Variants in NDFIP2 observed in about 807,000 individuals in gnomAD.
NDFIP2 encodes NEDD4 family-interacting protein 2.
NDFIP2 carries 19 observed loss-of-function variants against 36.0 expected under a neutral mutation model. The observed-to-expected ratio is 0.53, with a 90% confidence interval of 0.37 to 0.77. The LOEUF (loss-of-function observed/expected upper bound fraction) is 0.77. Ranked by LOEUF, NDFIP2 falls within the 30% of genes least tolerant of loss-of-function variation. The pLI is 0.00. For synonymous variants in NDFIP2, 181 were observed against 167.7 expected (o/e 1.08, Z -0.61); for missense variants, 446 against 435.8 (o/e 1.02, Z -0.21).
At chr13:79,508,834 A>C (rs1451949703) in intron 1 of NDFIP2, among the ~76,000 whole-genome samples, 1 of 152,220 alleles carries the variant, frequency 6.6e-6, no homozygotes, top group Non-Finnish European at 1.5e-5. Flanking sequence ...CTCTGACAGT[A>C]GGAATTACCA....
chr13:79,517,557 A>G (rs2137082045), intron 1 of NDFIP2, among the ~76,000 whole-genome samples: 1 of 152,344 alleles, frequency 6.6e-6, no homozygotes, highest in Admixed American at 6.5e-5. Flanking sequence ...TTTTATTTAA[A>G]GTAAATTGAA....
At chr13:79,523,633 G>T (rs1874676717) in intron 2 of NDFIP2, among the ~76,000 whole-genome samples, 1 of 152,156 alleles carries the variant, frequency 6.6e-6, no homozygotes, top group African/African-American at 2.4e-5. Context: ...TGGCAATACT[G>T]TAATAAAAGT....
intron 1 of NDFIP2, among the ~76,000 whole-genome samples, chr13:79,519,330 A>AT (rs1462441162): frequency 7.9e-5 from 12 of 152,342 alleles, no homozygotes; most frequent in African/African-American, 2.6e-4. Flanking sequence ...TATCTTAAAA[A>AT]TTTTTAATAA....
At chr13:79,549,759 C>G (rs1351443759) in intron 6 of NDFIP2, among the ~76,000 whole-genome samples, 2 of 151,664 alleles carry the variant, frequency 1.3e-5, no homozygotes, top group Non-Finnish European at 3.0e-5. Context: ...TTACATTTTT[C>G]AATAATATTT....
At chr13:79,547,864 G>T (rs1875746162) in intron 5 of NDFIP2, among the ~76,000 whole-genome samples, 1 of 152,118 alleles carries the variant, frequency 6.6e-6, no homozygotes, top group Non-Finnish European at 1.5e-5. Context: ...TGTACAGAAG[G>T]TCAAAAGCTC....
intron 5 of NDFIP2, among the ~76,000 whole-genome samples, chr13:79,547,425 A>G (rs1875730594): frequency 6.6e-6 from 1 of 152,222 alleles, no homozygotes. Context: ...GTGGGTAAAC[A>G]CAAGCTAATT....
chr13:79,516,544 T>A (rs1292720640), intron 1 of NDFIP2, among the ~76,000 whole-genome samples: 1 of 152,170 alleles, frequency 6.6e-6, no homozygotes, highest in East Asian at 1.9e-4. Flanking sequence ...CTAATATTTA[T>A]CTCATTGCAA....
chr13:79,517,063 T>G (rs1874377005), intron 1 of NDFIP2, among the ~76,000 whole-genome samples: 1 of 152,224 alleles, frequency 6.6e-6, no homozygotes, highest in African/African-American at 2.4e-5. Flanking sequence ...CTATAAAGAC[T>G]AGCCACAAAT....
rs1025856740 is a variant in NDFIP2 at position 79,481,211 on chromosome 13, G to A, written c.8G>A (p.Arg3His). The change falls in exon 1 of 8, where the codon CGC (arginine) becomes CAC (histidine). Residue 3 changes from arginine (R) to histidine (H), a missense_variant. By Grantham distance (29) the Arg-to-His change is conservative. Coordinates refer to ENST00000218652, the MANE Select transcript of NDFIP2 (RefSeq NM_019080.3). The part of the protein sequence containing the change: MA[R>H]RRSQRVCASG... ...CTCCCACTGGCGGCGCGGATGGCACGCCGGCGGAGCCAGCGAGTCTGCGCG... is the reference window on the plus strand; with the variant it reads ...CTCCCACTGGCGGCGCGGATGGCACACCGGCGGAGCCAGCGAGTCTGCGCG... The A allele has an allele frequency of 2.7e-6, 4 of 1,506,254 alleles. No individual in the cohort carries two copies. In the African/African-American group the frequency reaches 4.3e-5, roughly 16 times the overall value. The allele number at this position is 1,506,254 out of a possible 1,614,324, so 93.3% of individuals were successfully genotyped here.
chr13:79,502,701 G>T (rs867009342), intron 1 of NDFIP2, among the ~76,000 whole-genome samples: 1 of 152,194 alleles, frequency 6.6e-6, no homozygotes, highest in Non-Finnish European at 1.5e-5. Flanking sequence ...GAAGGTCATT[G>T]TTTTCAGCGA....
intron 1 of NDFIP2, among the ~76,000 whole-genome samples, chr13:79,500,817 A>G (rs568121783): frequency 6.6e-6 from 1 of 152,144 alleles, no homozygotes; most frequent in African/African-American, 2.4e-5. Flanking sequence ...ATGCTTCTTG[A>G]TATTTACCCG....
chr13:79,486,607 C>G (rs888513955), intron 1 of NDFIP2, among the ~76,000 whole-genome samples: 1 of 152,170 alleles, frequency 6.6e-6, no homozygotes, highest in Non-Finnish European at 1.5e-5. Context: ...TTCAGATACT[C>G]ATGTAACCCA....
At chr13:79,530,873 A>C (rs1874989057) in intron 2 of NDFIP2, among the ~76,000 whole-genome samples, 1 of 152,214 alleles carries the variant, frequency 6.6e-6, no homozygotes, top group African/African-American at 2.4e-5. Flanking sequence ...ATCAACTTCC[A>C]ACTCCTGTTA....
chr13:79,550,981 A>G (rs753311652), intron 6 of NDFIP2, 36 bp from the exon 7 acceptor site: 62 of 1,269,280 alleles, frequency 4.9e-5, no homozygotes, highest in Non-Finnish European at 6.6e-5. Context: ...TTCTGTATAA[A>G]AACATAGTAT....
At chr13:79,546,542 A>G (rs1284585268) in intron 5 of NDFIP2, among the ~76,000 whole-genome samples, 1 of 152,184 alleles carries the variant, frequency 6.6e-6, no homozygotes, top group Non-Finnish European at 1.5e-5. Flanking sequence ...TGGTTTACTT[A>G]TATGAAAAAA....
At chr13:79,526,857 G>A (rs1043768335) in intron 2 of NDFIP2, among the ~76,000 whole-genome samples, 14 of 152,136 alleles carry the variant, frequency 9.2e-5, no homozygotes, top group African/African-American at 3.4e-4. Context: ...GCCATCCTGA[G>A]TAAATCACAT....
Position 79,543,700 on chromosome 13 carries a change from CT to C in NDFIP2, c.840+19del. On this transcript the variant is annotated intron_variant, in intron 5 of 7. Coordinates refer to ENST00000218652, the MANE Select transcript of NDFIP2 (RefSeq NM_019080.3). ...TTGTCAGGGTGAGTGTCTTGATAGC[CT>C]GTATCTCTTTTATCTCTAAAATGAG... 1.2e-6 allele frequency: 2 copies of C among 1,609,656 alleles called. No individual in the cohort carries two copies. Among genetic ancestry groups the C allele is most frequent in the Non-Finnish European group, 1.7e-6 (2 of 1,178,694 alleles).
chr13:79,555,837 A>G lies in NDFIP2; in HGVS notation c.*3324A>G, dbSNP rs1486596926. The G allele has an allele frequency of 2.6e-5, 4 of 152,148 alleles. No homozygotes were observed. Among genetic ancestry groups the G allele is most frequent in the Admixed American group, 6.5e-5 (1 of 15,270 alleles). 9.4% of individuals were successfully genotyped at this position (152,148 alleles called of 1,614,324 possible). A position where few individuals can be genotyped will look rare whatever the true frequency, so the allele number is the denominator to read the frequency against. ...ATTTTACTTGTTAATAAAGTTGTAT[A>G]GATGTGGAAGTGTGAACCTGTGATG... On this transcript the variant is annotated 3_prime_UTR_variant, in exon 8 of 8. Coordinates refer to ENST00000218652, the MANE Select transcript of NDFIP2 (RefSeq NM_019080.3).
intron 3 of NDFIP2, among the ~76,000 whole-genome samples, chr13:79,534,274 G>A (rs1328474996): frequency 6.7e-6 from 1 of 149,854 alleles, no homozygotes; most frequent in African/African-American, 2.5e-5. Flanking sequence ...AGCCAGTTTA[G>A]TGACTGTGAA....
Sources: allele counts gnomAD v4.1 joint callset (sites outside exome capture counted in the v4.1 genomes callset), GRCh38; gene constraint gnomAD v4.1.1; transcripts MANE v1.5; gene names NCBI Gene and HGNC (gene_info 2026-07-23, HGNC 2026-07-21).